SPRTN: variants seen among roughly 807,000 people sequenced by gnomAD.
The protein encoded by SPRTN is DNA-dependent metalloprotease SPRTN.
Under a neutral mutation model 31.9 loss-of-function variants are expected in SPRTN, and 11 were observed. The ratio of observed to expected loss-of-function variants is 0.34; its 90% confidence interval spans 0.22 to 0.57. SPRTN has a LOEUF of 0.57. Among genes scored for constraint, SPRTN ranks in the 20% least tolerant of loss-of-function variants. The probability of loss-of-function intolerance (pLI) is 0.86; values close to 1 mark genes in which losing one functional copy is unlikely to be tolerated. For missense variants in SPRTN, 482 were observed against 590.1 expected, an observed-to-expected ratio of 0.82 and a Z score of 1.90; for synonymous variants, 185 against 212.1, an observed-to-expected ratio of 0.87 and a Z score of 1.11.
At position 231,352,883 on chromosome 1, in the gene SPRTN, A is replaced by G. The variant is rs781738680; in HGVS notation, c.992A>G (p.Tyr331Cys). The change falls in exon 5 of 5, where the codon TAC (tyrosine) becomes TGC (cysteine). Residue 331 changes from tyrosine to cysteine, a missense_variant. Around this residue, in one of 2 missense-constraint regions of SPRTN, gnomAD observed 325 missense variants for 350.2 expected, o/e 0.93. Transcript: ENST00000295050. ...SNSHQNVLSN[Y>C]FPRVSFANQK... Reference sequence around the variant, plus strand: ...AGTCACCAAAATGTTCTAAGCAACTACTTTCCTAGAGTATCATTTGCCAAC... The same window carrying G: ...AGTCACCAAAATGTTCTAAGCAACTGCTTTCCTAGAGTATCATTTGCCAAC... The G allele has an allele frequency of 1.1e-5, 17 of 1,614,110 alleles. No homozygotes were observed. In the South Asian group the frequency reaches 1.5e-4, roughly 15 times the overall value.
At chr1:231,341,996 T>A (rs1387512190) in intron 2 of SPRTN, among the ~76,000 whole-genome samples, 5 of 152,046 alleles carry the variant, frequency 3.3e-5, no homozygotes, top group African/African-American at 1.2e-4. Context: ...CACTACAGCC[T>A]CAACCTCCCA....
chr1:231,351,553 T>C lies in SPRTN; in HGVS notation c.700T>C (p.Leu234=), dbSNP rs377749154. The C allele has an allele frequency of 8.7e-6, 14 of 1,613,934 alleles. No homozygotes were observed. The highest frequency in any genetic ancestry group is 3.3e-5 in the Admixed American group (2 of 59,952). The part of the protein sequence containing the change: ...GKAKLGKEPV[L]AAENKDKPNR... ...GGCAAAACTAGGAAAGGAACCAGTA[T>C]TGGCCGCAGAGAATAAAGGTACCTT... Residue 234 remains leucine (L), a synonymous_variant, in exon 4 of 5, where the codon TTG becomes CTG. Coordinates refer to ENST00000295050, the MANE Select transcript of SPRTN (RefSeq NM_032018.7).
intron 2 of SPRTN, among the ~76,000 whole-genome samples, chr1:231,342,358 G>A (rs1358685763): frequency 2.0e-5 from 3 of 152,118 alleles, no homozygotes; most frequent in Non-Finnish European, 4.4e-5. Flanking sequence ...TGACATTTTC[G>A]TCAATGACAG....
intron 2 of SPRTN, among the ~76,000 whole-genome samples, chr1:231,346,427 A>G (rs1687066491): frequency 6.7e-6 from 1 of 148,960 alleles, no homozygotes; most frequent in Non-Finnish European, 1.5e-5. Context: ...GGATGGTCTC[A>G]ATGTCCTGAC....
chr1:231,352,543 A>G (rs1032508765), intron 4 of SPRTN, 67 bp from the exon 5 acceptor site: 3 of 1,516,392 alleles, frequency 2.0e-6, no homozygotes, highest in African/African-American at 1.4e-5. Flanking sequence ...CATTAGTTTA[A>G]TGTTTGTTAC....
intron 2 of SPRTN, among the ~76,000 whole-genome samples, chr1:231,347,079 T>C (rs1687083652): frequency 6.6e-6 from 1 of 152,220 alleles, no homozygotes; most frequent in South Asian, 2.1e-4. Flanking sequence ...TTACACAAAT[T>C]TGAGTACCCC....
chr1:231,340,383 T>C (rs1349533729), intron 2 of SPRTN, among the ~76,000 whole-genome samples: 2 of 151,838 alleles, frequency 1.3e-5, no homozygotes, highest in Non-Finnish European at 2.9e-5. Flanking sequence ...ATAAAAGCCT[T>C]CTAGGTATAT....
intron 3 of SPRTN, among the ~76,000 whole-genome samples, chr1:231,350,742 A>G (rs1393592736): frequency 6.6e-6 from 1 of 152,166 alleles, no homozygotes; most frequent in Admixed American, 6.5e-5. Context: ...AAGGCTTATT[A>G]CAGAGACATA....
At chr1:231,339,394 G>A in intron 1 of SPRTN, 1 of 456,658 alleles carries the variant, frequency 2.2e-6, no homozygotes, top group Non-Finnish European at 4.2e-6. Flanking sequence ...CCTTTGAGCT[G>A]TTGCAGCCTA....
chr1:231,338,670 G>C, intron 1 of SPRTN, 66 bp downstream of exon 1: 1 of 1,591,430 alleles, frequency 6.3e-7, no homozygotes, highest in Non-Finnish European at 8.6e-7. Context: ...CCCGGCCCTG[G>C]TTTTCTCTCC....
chr1:231,350,495 C>T (rs1292580384), intron 3 of SPRTN, among the ~76,000 whole-genome samples: 1 of 151,888 alleles, frequency 6.6e-6, no homozygotes, highest in African/African-American at 2.4e-5. Flanking sequence ...GCTTGGGTTC[C>T]AAATAGGATT....
intron 1 of SPRTN, among the ~76,000 whole-genome samples, chr1:231,338,845 C>CA (rs1471813549): frequency 1.3e-5 from 2 of 152,002 alleles, no homozygotes; most frequent in African/African-American, 4.8e-5. Context: ...AGGGCCGTAA[C>CA]AAAAAAGAGA....
chr1:231,352,437 A>C, intron 4 of SPRTN, 173 bp from the exon 5 acceptor site: 1 of 1,304,180 alleles, frequency 7.7e-7, no homozygotes. Flanking sequence ...CAATATCAGA[A>C]CTCCTGAATT....
intron 2 of SPRTN, among the ~76,000 whole-genome samples, chr1:231,342,112 T>C (rs1047992916): frequency 3.3e-5 from 5 of 152,298 alleles, no homozygotes; most frequent in Admixed American, 3.3e-4. Context: ...ACCTTCTTAG[T>C]AACCCAATGA....
intron 4 of SPRTN, 26 bp from the exon 5 acceptor site, chr1:231,352,584 A>G (rs1687270886): frequency 6.5e-7 from 1 of 1,538,060 alleles, no homozygotes; most frequent in Admixed American, 2.2e-5. Flanking sequence ...GCACTTACAT[A>G]ACAATCTTCT....
rs554013866 is a variant in SPRTN at position 231,340,858 on chromosome 1, G to A, written c.321+990G>A. On this transcript the variant is annotated intron_variant, in intron 2 of 4. Coordinates refer to ENST00000295050, the MANE Select transcript of SPRTN (RefSeq NM_032018.7). ...GCACAGTGGTAGTTTCTGAGCATGG[G>A]GTGGGAAGCATGTTAAAACATGCTT... Among the ~76,000 whole-genome samples the A allele has an allele frequency of 4.6e-5, 7 of 152,214 alleles. No homozygotes were observed. The South Asian group carries it at 1.5e-3, about 32-fold the overall frequency.
intron 2 of SPRTN, 182 bp downstream of exon 2, chr1:231,340,050 A>G: frequency 4.2e-6 from 2 of 481,280 alleles, no homozygotes; most frequent in Non-Finnish European, 7.2e-6. Flanking sequence ...TTCATAGTAA[A>G]AAAAAAAAAA....
chr1:231,350,176 C>G (rs1044322362), intron 3 of SPRTN, among the ~76,000 whole-genome samples: 1 of 152,110 alleles, frequency 6.6e-6, no homozygotes, highest in African/African-American at 2.4e-5. Context: ...GCATGCTTAC[C>G]AAGTAGAAAT....
At chr1:231,339,969 T>A in intron 2 of SPRTN, 101 bp downstream of exon 2, 1 of 1,085,206 alleles carries the variant, frequency 9.2e-7, no homozygotes, top group Non-Finnish European at 1.4e-6. Flanking sequence ...TTAAAAAAAG[T>A]CACTTTGCCC....
Sources: allele counts gnomAD v4.1 joint callset (sites outside exome capture counted in the v4.1 genomes callset), GRCh38; gene constraint gnomAD v4.1.1; regional missense constraint gnomAD v4.1.1; transcripts MANE v1.5; gene names NCBI Gene and HGNC (gene_info 2026-07-23, HGNC 2026-07-21).